The following CHD1 variants were observed in gnomAD, a reference collection of about 807,000 sequenced individuals.
CHD1 encodes the protein ATP-dependent chromatin remodeler CHD1.
Under a neutral mutation model 224.2 loss-of-function variants are expected in CHD1, and 36 were observed. The observed-to-expected ratio is 0.16, with a 90% CI of 0.12 to 0.21. The LOEUF (loss-of-function observed/expected upper bound fraction) is 0.21. Among genes scored for constraint, CHD1 ranks in the 10% least tolerant of loss-of-function variants. The probability of loss-of-function intolerance (pLI) is 1.00; values close to 1 mark genes in which losing one functional copy is unlikely to be tolerated. For missense variants in CHD1, 1,378 were observed against 1,994.8 expected (o/e 0.69, Z 5.89); for synonymous variants, 668 against 658.3 (o/e 1.01, Z -0.23).
intron 11 of CHD1, 45 bp downstream of exon 11, chr5:98,897,148 A>G (rs759420287): frequency 9.5e-6 from 15 of 1,577,264 alleles, no homozygotes; most frequent in Admixed American, 5.4e-5. Context: ...GTATTGGTAA[A>G]TTCTTACTCT....
chr5:98,882,705 T>C (rs575920518), intron 19 of CHD1, among the ~76,000 whole-genome samples: 9 of 152,340 alleles, frequency 5.9e-5, no homozygotes, highest in Non-Finnish European at 1.0e-4. Flanking sequence ...CACGTTTACA[T>C]GTGGAGAATC....
At chr5:98,900,655 G>T (rs1751643568) in intron 7 of CHD1, among the ~76,000 whole-genome samples, 156 bp downstream of exon 7, 1 of 151,890 alleles carries the variant, frequency 6.6e-6, no homozygotes, top group Non-Finnish European at 1.5e-5. Context: ...TGGCCAGGCT[G>T]GTCTAGAACT....
intron 3 of CHD1, 113 bp downstream of exon 3, chr5:98,904,784 T>C: frequency 1.0e-6 from 1 of 958,030 alleles, no homozygotes; most frequent in Non-Finnish European, 1.6e-6. Context: ...TAAATTTTAA[T>C]TTAAAATGTT....
At position 98,858,210 on chromosome 5, in the gene CHD1, C is replaced by A; in HGVS notation, c.4757G>T (p.Arg1586Leu). Reference sequence around the variant, plus strand: ...GTCTTGCTTGTAGTGATCCCAATCACGATGGTCTTTACCATTACTAAAAGA... The same window carrying A: ...GTCTTGCTTGTAGTGATCCCAATCAAGATGGTCTTTACCATTACTAAAAGA... ...YSSFSNGKDH[R>L]DWDHYKQDSR... The change falls in exon 35 of 36, where the codon CGT becomes CTT. Residue 1586 changes from arginine to leucine, a missense_variant. Around this residue, in one of 16 missense-constraint regions of CHD1, gnomAD observed 278 missense variants for 298.5 expected, o/e 0.93. Coordinates refer to ENST00000614616, the MANE Select transcript of CHD1 (RefSeq NM_001270.4). 5 of 1,613,014 alleles carry A rather than the reference C, an allele frequency of 3.1e-6. No homozygotes were observed. Among genetic ancestry groups the A allele is most frequent in the Non-Finnish European group, 4.2e-6 (5 of 1,179,244 alleles).
Position 98,856,724 on chromosome 5 carries a change from A to G in CHD1, c.4789T>C (p.Tyr1597His), listed in dbSNP as rs1561471203. 6.4e-7 allele frequency: 1 copy of G among 1,554,620 alleles called. No homozygotes were observed. The highest frequency in any genetic ancestry group is 8.8e-7 in the Non-Finnish European group (1 of 1,140,740). ...CTGTGTTTCTCTCTGTCACTGTAAT[A>G]TCTAATAAAGAAAAATTGAGAATTT... The part of the protein sequence containing the change: ...DWDHYKQDSR[Y>H]YSDREKHRKL... Residue 1597 changes from tyrosine to histidine, a missense_variant and splice_region_variant, in exon 36 of 36, where the codon TAT becomes CAT. This residue lies in a region of CHD1 where 278 missense variants were observed against 298.5 expected (regional missense o/e 0.93). Coordinates refer to ENST00000614616, the MANE Select transcript of CHD1 (RefSeq NM_001270.4).
chr5:98,885,870 G>A (rs1002355213), intron 17 of CHD1: 1 of 474,408 alleles, frequency 2.1e-6, no homozygotes, highest in African/African-American at 2.0e-5. Flanking sequence ...AGCATAGGCT[G>A]TCATACTATT....
At chr5:98,895,286 G>T (rs890300527) in intron 12 of CHD1, among the ~76,000 whole-genome samples, 1 of 152,190 alleles carries the variant, frequency 6.6e-6, no homozygotes, top group African/African-American at 2.4e-5. Flanking sequence ...ATTTAATAAT[G>T]TAATGTTTAT....
At chr5:98,868,395 A>T in intron 31 of CHD1, 100 bp downstream of exon 31, 1 of 1,060,216 alleles carries the variant, frequency 9.4e-7, no homozygotes, top group Non-Finnish European at 1.3e-6. Context: ...TCAATCTACA[A>T]TAAATTCAAA....
intron 2 of CHD1, among the ~76,000 whole-genome samples, chr5:98,913,137 C>G (rs1752528798): frequency 1.3e-5 from 2 of 152,122 alleles, no homozygotes; most frequent in African/African-American, 4.8e-5. Context: ...CCTCTTGTTC[C>G]CTTCCACCTA....
rs1561473860 is a variant in CHD1 at position 98,858,403 on chromosome 5, TACA to T, written c.4577-16_4577-14del. ...AATCTTTCCACATCTGTTAGATAAG[TACA>T]ACTTTTATTAATGACCTTAAAAATA... On this transcript the variant is annotated splice_polypyrimidine_tract_variant and intron_variant, in intron 34 of 35. Coordinates refer to ENST00000614616, the MANE Select transcript of CHD1 (RefSeq NM_001270.4). 10 of 1,591,760 alleles carry T rather than the reference TACA, an allele frequency of 6.3e-6. No homozygotes were observed. Among genetic ancestry groups the T allele is most frequent in the African/African-American group, 1.3e-5 (1 of 74,364 alleles).
Position 98,874,092 on chromosome 5 carries a change from A to G in CHD1, c.3441-369T>C, listed in dbSNP as rs185562012. The stretch of plus-strand genomic sequence containing the variant: ...CTTTTTATTACTGTGCACCAAATAG[A>G]TATGAATGATTAATACTCAAGACAT... On this transcript the variant is annotated intron_variant, in intron 25 of 35. Coordinates refer to ENST00000614616, the MANE Select transcript of CHD1 (RefSeq NM_001270.4). Among the ~76,000 whole-genome samples, 19 of 25,090 alleles carry G rather than the reference A, an allele frequency of 7.6e-4. No homozygotes were observed. The East Asian group carries it at 8.4e-3, about 11-fold the overall frequency. The allele number at this position is 25,090 out of a possible 152,430, so 16.5% of individuals were successfully genotyped here. A position where few individuals can be genotyped will look rare whatever the true frequency, so the allele number is the denominator to read the frequency against.
intron 6 of CHD1, 33 bp downstream of exon 6, chr5:98,901,153 C>G (rs1561528802): frequency 6.3e-7 from 1 of 1,587,236 alleles, no homozygotes; most frequent in Non-Finnish European, 8.5e-7. Context: ...ATACTTTCCA[C>G]AATCAATTTT....
At position 98,901,351 on chromosome 5, in the gene CHD1, ATAAAG is replaced by A. The variant is rs1751697753; in HGVS notation, c.438-21_438-17del. 5.0e-6 allele frequency: 8 copies of A among 1,589,710 alleles called. No individual in the cohort carries two copies. The highest frequency in any genetic ancestry group is 1.7e-4 in the Middle Eastern group (1 of 5,914). The stretch of plus-strand genomic sequence containing the variant: ...CCAATCTTCACTGCAGACAAAATTT[ATAAAG>A]TATTTTTATTTGTACTTATATGGCA... On this transcript the variant is annotated splice_polypyrimidine_tract_variant and intron_variant, in intron 5 of 35. Transcript: ENST00000614616.
In CHD1 at chr5:98,926,226, ACT is replaced by A; in HGVS notation, c.53+106_53+107del. The A allele has an allele frequency of 9.0e-6, 6 of 666,396 alleles. No homozygotes were observed. The South Asian group carries it at 1.2e-4, about 14-fold the overall frequency. 41.3% of individuals were successfully genotyped at this position (666,396 alleles called of 1,614,324 possible). The stretch of plus-strand genomic sequence containing the variant: ...GGATAGCTAAGAGGAAAACCTGAAA[ACT>A]CTGCTACCTATGAGGAAAACTAAAT... On this transcript the variant is annotated intron_variant, in intron 2 of 35. Coordinates refer to ENST00000614616, the MANE Select transcript of CHD1 (RefSeq NM_001270.4).
chr5:98,871,089 T>C (rs1301483950), intron 28 of CHD1, among the ~76,000 whole-genome samples: 1 of 151,868 alleles, frequency 6.6e-6, no homozygotes. Context: ...TATACAAAAG[T>C]GTACTTAACA....
rs761733026 is a variant in CHD1 at position 98,888,127 on chromosome 5, T to C, written c.2457A>G (p.Ile819Met). ...IFSQMVRMLD[I>M]LAEYLKYRQF... ...GACGATATTTCAAATATTCTGCAAG[T>C]ATATCTAACATCCGCACCATTTGTG... is the stretch of plus-strand genomic sequence containing the variant. The change falls in exon 17 of 36, where the codon ATA becomes ATG. Residue 819 changes from isoleucine to methionine, a missense_variant. Physicochemically the swap from Ile to Met is conservative, Grantham distance 10 (BLOSUM62 1). This residue lies in a region of CHD1 where 57 missense variants were observed against 177.2 expected (regional missense o/e 0.32). Coordinates refer to ENST00000614616, the MANE Select transcript of CHD1 (RefSeq NM_001270.4). 1 of 1,605,128 alleles carries C rather than the reference T, an allele frequency of 6.2e-7. No individual in the cohort carries two copies. Among genetic ancestry groups the C allele is most frequent in the African/African-American group, 1.3e-5 (1 of 74,788 alleles).
intron 25 of CHD1, among the ~76,000 whole-genome samples, 172 bp downstream of exon 25, chr5:98,874,900 A>G (rs1749634926): frequency 6.6e-6 from 1 of 152,224 alleles, no homozygotes; most frequent in African/African-American, 2.4e-5. Context: ...AATTAAACAC[A>G]GTATAAAAAC....
chr5:98,886,798 T>C (rs1436348913), intron 17 of CHD1, among the ~76,000 whole-genome samples: 1 of 152,074 alleles, frequency 6.6e-6, no homozygotes, highest in Non-Finnish European at 1.5e-5. Flanking sequence ...TTAAGAATAG[T>C]GGCATCTCAT....
chr5:98,909,013 T>C (rs908531321), intron 2 of CHD1, among the ~76,000 whole-genome samples: 2 of 148,798 alleles, frequency 1.3e-5, no homozygotes, highest in Admixed American at 6.6e-5. Context: ...TGATGAATTA[T>C]CATGAATCTA....
Sources: gnomAD v4.1 joint callset for allele counts (sites outside exome capture counted in the v4.1 genomes callset) on GRCh38, gnomAD v4.1.1 for gene constraint, gnomAD v4.1.1 regional missense constraint, MANE v1.5 for transcripts, NCBI Gene and HGNC (gene_info 2026-07-23, HGNC 2026-07-21) for gene names.